The following TAOK3 variants were observed in gnomAD, a reference collection of about 807,000 sequenced individuals.
The protein encoded by TAOK3 is serine/threonine-protein kinase TAO3.
A neutral mutation model predicts 120.4 loss-of-function variants in TAOK3; 40 were observed. The observed-to-expected ratio is 0.33, with a 90% CI of 0.26 to 0.43. The LOEUF (loss-of-function observed/expected upper bound fraction) is 0.43. Ranked by LOEUF, TAOK3 falls within the 20% of genes least tolerant of loss-of-function variation. The probability of loss-of-function intolerance (pLI) is 1.00; values close to 1 mark genes in which losing one functional copy is unlikely to be tolerated. For synonymous variants in TAOK3, 355 were observed against 387.5 expected (o/e 0.92, Z 0.99); for missense variants, 821 against 1,112.1 (o/e 0.74, Z 3.72).
chr12:118,172,370 G>A (rs1245924479), intron 17 of TAOK3, 87 bp downstream of exon 17: 1 of 1,413,722 alleles, frequency 7.1e-7, no homozygotes, highest in African/African-American at 1.4e-5. Context: ...TAGGGATATA[G>A]GAATGGACCA....
At chr12:118,165,670 T>C (rs1218492477) in intron 17 of TAOK3, among the ~76,000 whole-genome samples, 1 of 152,228 alleles carries the variant, frequency 6.6e-6, no homozygotes, top group African/African-American at 2.4e-5. Flanking sequence ...AGTCTCTTAA[T>C]CTGTATTTCA....
chr12:118,250,431 T>G (rs941309132), intron 3 of TAOK3, among the ~76,000 whole-genome samples: 1 of 152,188 alleles, frequency 6.6e-6, no homozygotes, highest in Non-Finnish European at 1.5e-5. Flanking sequence ...CAGCATTCAG[T>G]GTAAAAAGCT....
At chr12:118,338,088 T>A (rs2044440844) in intron 1 of TAOK3, among the ~76,000 whole-genome samples, 1 of 152,190 alleles carries the variant, frequency 6.6e-6, no homozygotes, top group South Asian at 2.1e-4. Context: ...TTAAAAGAAA[T>A]CCATGTAGCT....
chr12:118,171,126 C>T (rs552994388), intron 17 of TAOK3, among the ~76,000 whole-genome samples: 22 of 152,316 alleles, frequency 1.4e-4, no homozygotes, highest in African/African-American at 5.3e-4. Flanking sequence ...TCCAACCTCC[C>T]AAATTAGAAA....
chr12:118,154,837 GC>G (rs1377085488), intron 19 of TAOK3, among the ~76,000 whole-genome samples: 1 of 152,108 alleles, frequency 6.6e-6, no homozygotes, highest in Admixed American at 6.5e-5. Flanking sequence ...TGTAGAAGCA[GC>G]CAAGCATACA....
At chr12:118,193,701 G>A (rs1485644155) in intron 13 of TAOK3, among the ~76,000 whole-genome samples, 3 of 152,000 alleles carry the variant, frequency 2.0e-5, no homozygotes, top group Non-Finnish European at 2.9e-5. Flanking sequence ...CACCCACCCC[G>A]GCCTTCCAAA....
At chr12:118,181,329 T>C (rs1297607105) in intron 15 of TAOK3, 42 bp downstream of exon 15, 6 of 1,521,374 alleles carry the variant, frequency 3.9e-6, no homozygotes, top group Non-Finnish European at 5.4e-6. Context: ...CCCAACAGGC[T>C]GGGCTTGGTT....
intron 17 of TAOK3, among the ~76,000 whole-genome samples, chr12:118,166,781 G>C (rs572371022): frequency 1.3e-5 from 2 of 150,580 alleles, no homozygotes; most frequent in African/African-American, 4.9e-5. Flanking sequence ...AGATCATTCT[G>C]CCCACCCATG....
At chr12:118,277,479 A>G (rs2041942634) in intron 1 of TAOK3, among the ~76,000 whole-genome samples, 1 of 150,318 alleles carries the variant, frequency 6.7e-6, no homozygotes, top group Admixed American at 6.7e-5. Flanking sequence ...TTTTTTTTTT[A>G]AGACGGAGTC....
At chr12:118,319,258 C>A (rs1406635972) in intron 1 of TAOK3, among the ~76,000 whole-genome samples, 1 of 151,542 alleles carries the variant, frequency 6.6e-6, no homozygotes, top group Admixed American at 6.6e-5. Context: ...AGCAAAAAAC[C>A]CCTCAACAAT....
Position 118,235,950 on chromosome 12 carries a change from C to G in TAOK3, c.438-279G>C, listed in dbSNP as rs546402494. The G allele has an allele frequency of 1.4e-5, 4 of 280,320 alleles. No individual in the cohort carries two copies. In the South Asian group the frequency reaches 2.8e-4, roughly 19 times the overall value. The allele number at this position is 280,320 out of a possible 1,614,324, so 17.4% of individuals were successfully genotyped here. On this transcript the variant is annotated intron_variant, in intron 7 of 20. Transcript: ENST00000392533. ...CAAATGAGAAAAAAGGCAGACATGG[C>G]GAACAAGAAAACCTATTCAGCTGCT...
chr12:118,283,637 G>T, intron 1 of TAOK3: 1 of 156,282 alleles, frequency 6.4e-6, no homozygotes, highest in Non-Finnish European at 1.4e-5. Flanking sequence ...GGCTGAGGCC[G>T]GAGAATTGCT....
At chr12:118,197,619 A>G (rs925203421) in intron 13 of TAOK3, among the ~76,000 whole-genome samples, 1 of 151,990 alleles carries the variant, frequency 6.6e-6, no homozygotes, top group Non-Finnish European at 1.5e-5. Context: ...AATAGAAAGG[A>G]AAGTGCCAGA....
intron 7 of TAOK3, among the ~76,000 whole-genome samples, chr12:118,237,684 T>G (rs1026745313): frequency 3.3e-5 from 5 of 152,298 alleles, no homozygotes; most frequent in African/African-American, 9.6e-5. Flanking sequence ...AGCATATATT[T>G]ATATAAGACT....
At position 118,160,855 on chromosome 12, in the gene TAOK3, G is replaced by A. The variant is rs2035171561; in HGVS notation, c.2140-497C>T. On this transcript the variant is annotated intron_variant, in intron 18 of 20. Coordinates refer to ENST00000392533, the MANE Select transcript of TAOK3 (RefSeq NM_016281.4). This position sits in a 1 kb window ranked among gnomAD's most constrained non-coding sequence, Gnocchi z 4.2. ...GCAATTTCTTATCAACTCCATAAAGGAGAGTATATGGATGGTACCTTATAT... is the reference window on the plus strand; with the variant it reads ...GCAATTTCTTATCAACTCCATAAAGAAGAGTATATGGATGGTACCTTATAT... Among the ~76,000 whole-genome samples, 2 of 152,132 alleles carry A rather than the reference G, an allele frequency of 1.3e-5. No individual in the cohort carries two copies. The highest frequency in any genetic ancestry group is 2.9e-5 in the Non-Finnish European group (2 of 68,030).
intron 14 of TAOK3, among the ~76,000 whole-genome samples, chr12:118,181,872 A>G (rs1169038004): frequency 6.6e-6 from 1 of 152,210 alleles, no homozygotes; most frequent in Non-Finnish European, 1.5e-5. Flanking sequence ...ATAGTTGAAG[A>G]AATTGATTCT....
chr12:118,274,769 C>T (rs1228660489), intron 1 of TAOK3, among the ~76,000 whole-genome samples: 2 of 151,724 alleles, frequency 1.3e-5, no homozygotes, highest in African/African-American at 4.8e-5. Flanking sequence ...GCTGGGACTA[C>T]AGGCACGTGC....
chr12:118,253,774 C>A (rs1435754451), intron 3 of TAOK3, among the ~76,000 whole-genome samples: 3 of 150,362 alleles, frequency 2.0e-5, no homozygotes, highest in Non-Finnish European at 4.4e-5. Flanking sequence ...AAAAACAGGG[C>A]CCGGTGCAGT....
chr12:118,251,911 T>A (rs2040770838), intron 3 of TAOK3, among the ~76,000 whole-genome samples: 1 of 150,980 alleles, frequency 6.6e-6, no homozygotes, highest in African/African-American at 2.4e-5. Flanking sequence ...AAGCTCCACC[T>A]CCCGGGTTCA....
Sources: allele counts gnomAD v4.1 joint callset (sites outside exome capture counted in the v4.1 genomes callset), GRCh38; gene constraint gnomAD v4.1.1; non-coding constraint Gnocchi (gnomAD v3.1); transcripts MANE v1.5; gene names NCBI Gene and HGNC (gene_info 2026-07-23, HGNC 2026-07-21).